The following AMPD3 variants were observed in gnomAD, a reference collection of about 807,000 sequenced individuals.
The protein encoded by AMPD3 is AMP deaminase 3.
AMPD3 carries 57 observed loss-of-function variants against 82.3 expected under a neutral mutation model. The ratio of observed to expected loss-of-function variants is 0.69; its 90% confidence interval spans 0.56 to 0.86. The LOEUF (loss-of-function observed/expected upper bound fraction) is 0.86, where lower values mean the gene tolerates loss of function less well. Ranked by LOEUF, AMPD3 falls within the 40% of genes least tolerant of loss-of-function variation. The probability of loss-of-function intolerance (pLI) is 0.00; values close to 1 mark genes in which losing one functional copy is unlikely to be tolerated. For synonymous variants in AMPD3, 381 were observed against 394.7 expected (o/e 0.97, Z 0.41); for missense variants, 870 against 1,003.8 (o/e 0.87, Z 1.80).
chr11:10,496,251 T>C, intron 9 of AMPD3: 1 of 985,374 alleles, frequency 1.0e-6, no homozygotes, highest in Non-Finnish European at 1.2e-6. Context: ...AATATAGATG[T>C]GCAAAGGCCT....
Position 10,455,347 on chromosome 11 carries a change from C to T in AMPD3, c.-107C>T, listed in dbSNP as rs1848061905. 1 of 985,482 alleles carries T rather than the reference C, an allele frequency of 1.0e-6. No individual in the cohort carries two copies. Among genetic ancestry groups the T allele is most frequent in the Non-Finnish European group, 1.2e-6 (1 of 829,996 alleles). 61.0% of individuals were successfully genotyped at this position (985,482 alleles called of 1,614,324 possible). Reference sequence around the variant, plus strand: ...AACCCTGCTTGGTTTTAGAGGATTGCTCCTGTGGGTCACTTGAGGCAGGCT... The same window carrying T: ...AACCCTGCTTGGTTTTAGAGGATTGTTCCTGTGGGTCACTTGAGGCAGGCT... On this transcript the variant is annotated 5_prime_UTR_variant, in exon 1 of 15. Coordinates refer to ENST00000396553, the MANE Select transcript of AMPD3 (RefSeq NM_001025389.2).
At chr11:10,472,605 A>G (rs1036854690) in intron 2 of AMPD3, among the ~76,000 whole-genome samples, 2 of 152,226 alleles carry the variant, frequency 1.3e-5, no homozygotes, top group African/African-American at 4.8e-5. Context: ...AAGTCACTTC[A>G]TTTTATGAAA....
intron 5 of AMPD3, among the ~76,000 whole-genome samples, chr11:10,486,022 G>A (rs1476231102): frequency 6.6e-6 from 1 of 152,094 alleles, no homozygotes; most frequent in Non-Finnish European, 1.5e-5. Context: ...AGCATAGTGA[G>A]CCCAATGTGG....
At chr11:10,502,119 C>T in intron 12 of AMPD3, 1 of 985,436 alleles carries the variant, frequency 1.0e-6, no homozygotes, top group Non-Finnish European at 1.2e-6. Context: ...TGCATACAGT[C>T]TTCTCCGTAT....
chr11:10,482,021 GC>G (rs1408263283), intron 3 of AMPD3, 41 bp from the exon 4 acceptor site: 4 of 1,613,390 alleles, frequency 2.5e-6, no homozygotes, highest in African/African-American at 1.3e-5. Context: ...GCAGTCTCAG[GC>G]CTGCTGCATG....
chr11:10,479,286 G>T (rs755692217), intron 3 of AMPD3, among the ~76,000 whole-genome samples: 1 of 152,200 alleles, frequency 6.6e-6, no homozygotes, highest in Non-Finnish European at 1.5e-5. Context: ...CACCTGATTG[G>T]ATGATGCATT....
chr11:10,460,311 C>T (rs1458058667), intron 1 of AMPD3, among the ~76,000 whole-genome samples: 3 of 151,006 alleles, frequency 2.0e-5, no homozygotes, highest in Admixed American at 6.6e-5. Context: ...GTTGTCCAGG[C>T]TGGTCTCAAA....
In AMPD3 at chr11:10,487,377, C is replaced by G. The variant is rs776606981; in HGVS notation, c.939+13C>G. The stretch of plus-strand genomic sequence containing the variant: ...TAACGTGAGAAAGGTGCGTTAGGGG[C>G]GAGTGTTCACAGCTGCCTCACCCGG... On this transcript the variant is annotated intron_variant, in intron 6 of 14. Coordinates refer to ENST00000396553, the MANE Select transcript of AMPD3 (RefSeq NM_001025389.2). 6.2e-7 allele frequency: 1 copy of G among 1,613,710 alleles called. No individual in the cohort carries two copies. The highest frequency in any genetic ancestry group is 8.5e-7 in the Non-Finnish European group (1 of 1,179,742).
chr11:10,464,140 C>T (rs373582504), intron 2 of AMPD3, among the ~76,000 whole-genome samples: 9 of 152,292 alleles, frequency 5.9e-5, no homozygotes, highest in Middle Eastern at 3.4e-3. Context: ...AGGCTTCGGA[C>T]AGTGTCTGGT....
intron 6 of AMPD3, among the ~76,000 whole-genome samples, chr11:10,488,654 G>A (rs1849151901): frequency 6.6e-6 from 1 of 152,178 alleles, no homozygotes; most frequent in Admixed American, 6.5e-5. Context: ...GGGCCGGGGT[G>A]TGGTGGCGAG....
At chr11:10,485,656 A>G (rs1255059765) in intron 5 of AMPD3, among the ~76,000 whole-genome samples, 1 of 150,672 alleles carries the variant, frequency 6.6e-6, no homozygotes, top group Non-Finnish European at 1.5e-5. Flanking sequence ...CCTTGCAGAG[A>G]GTTACCAGCC....
intron 2 of AMPD3, among the ~76,000 whole-genome samples, chr11:10,463,365 T>C (rs1848327374): frequency 6.6e-6 from 1 of 152,194 alleles, no homozygotes; most frequent in African/African-American, 2.4e-5. Flanking sequence ...GTGCCATTGG[T>C]TAACCTCTGA....
upstream of AMPD3, chr11:10,450,748 C>T: frequency 8.7e-7 from 1 of 1,145,428 alleles, no homozygotes; most frequent in South Asian, 4.3e-5. Flanking sequence ...GCTCTCTCTG[C>T]TCCGCTCCGC....
In AMPD3 at chr11:10,488,416, A is replaced by G. The variant is rs533659968; in HGVS notation, c.939+1052A>G. ...GTGGTAGGGGAATGGAAGTGGTGGC[A>G]TTCCAGGTAGAGGCACGTGATGTGC... On this transcript the variant is annotated intron_variant, in intron 6 of 14. Coordinates refer to ENST00000396553, the MANE Select transcript of AMPD3 (RefSeq NM_001025389.2). 71 of 985,398 alleles carry G rather than the reference A, an allele frequency of 7.2e-5. No homozygotes were observed. In the African/African-American group the frequency reaches 1.2e-3, roughly 17 times the overall value. 61.0% of individuals were successfully genotyped at this position (985,398 alleles called of 1,614,324 possible).
At position 10,502,745 on chromosome 11, in the gene AMPD3, T is replaced by G; in HGVS notation, c.1867T>G (p.Tyr623Asp). 6.2e-7 allele frequency: 1 copy of G among 1,614,240 alleles called. No homozygotes were observed. The highest frequency in any genetic ancestry group is 8.5e-7 in the Non-Finnish European group (1 of 1,180,036). Residue 623 changes from tyrosine (Y) to aspartate (D), a missense_variant, in exon 13 of 15, where the codon TAC becomes GAC. Coordinates refer to ENST00000396553, the MANE Select transcript of AMPD3 (RefSeq NM_001025389.2). ...KKSPVLQYLY[Y>D]LAQIPIAMSP... ...GAGTCCGGTATTGCAGTATCTCTAC[T>G]ACCTTGCTCAGATCCCCATTGCCAT...
At position 10,496,670 on chromosome 11, in the gene AMPD3, G is replaced by A. The variant is rs1849410579; in HGVS notation, c.1431-142G>A. ...TGCTGGGAGAGGAGGACAGAGGAGG[G>A]ATCTGTTTTCTGGTCCCATCTGACT... is the stretch of plus-strand genomic sequence containing the variant. On this transcript the variant is annotated intron_variant, in intron 9 of 14. Transcript: ENST00000396553. 8 of 1,490,232 alleles carry A rather than the reference G, an allele frequency of 5.4e-6. No homozygotes were observed. The South Asian group carries it at 5.9e-5, about 11-fold the overall frequency. 92.3% of individuals were successfully genotyped at this position (1,490,232 alleles called of 1,614,324 possible). A position where few individuals can be genotyped will look rare whatever the true frequency, so the allele number is the denominator to read the frequency against.
upstream of AMPD3, among the ~76,000 whole-genome samples, chr11:10,454,692 G>C (rs1438740084): frequency 6.6e-6 from 1 of 152,150 alleles, no homozygotes; most frequent in Non-Finnish European, 1.5e-5. Flanking sequence ...AAAATTCCCT[G>C]AACGTGTCGG....
chr11:10,482,190 G>T lies in AMPD3; in HGVS notation c.554G>T (p.Arg185Leu). 6.2e-7 allele frequency: 1 copy of T among 1,613,308 alleles called. No homozygotes were observed. The highest frequency in any genetic ancestry group is 1.1e-5 in the South Asian group (1 of 91,056). The change falls in exon 4 of 15, where the codon CGG becomes CTG. Residue 185 changes from arginine to leucine, a missense_variant. Transcript: ENST00000396553. ...ACATCCCAGTACCTGGGTCATCCGC[G>T]GGCGGATACTGCACCTCCGGAAGAG... ...RITSQYLGHPRADTAPPEEGL... is the reference protein window; with the variant it reads ...RITSQYLGHPLADTAPPEEGL...
chr11:10,479,940 C>T lies in AMPD3; in HGVS notation c.426+1210C>T, dbSNP rs554746788. 29 of 985,366 alleles carry T rather than the reference C, an allele frequency of 2.9e-5. No homozygotes were observed. In the African/African-American group the frequency reaches 4.7e-4, roughly 16 times the overall value. 61.0% of individuals were successfully genotyped at this position (985,366 alleles called of 1,614,324 possible). On this transcript the variant is annotated intron_variant, in intron 3 of 14. Transcript: ENST00000396553. ...CTTGTCTGGAGATCAGCATCCTGAC[C>T]ATGAGTCTTTGGTGTTCACCCAACC...
Sources: gnomAD v4.1 joint callset for allele counts (sites outside exome capture counted in the v4.1 genomes callset) on GRCh38, gnomAD v4.1.1 for gene constraint, MANE v1.5 for transcripts, NCBI Gene and HGNC (gene_info 2026-07-23, HGNC 2026-07-21) for gene names.